PRDM5: variants seen among roughly 807,000 people sequenced by gnomAD.
The protein encoded by PRDM5 is PR/SET domain 5.
Under a neutral mutation model 81.2 loss-of-function variants are expected in PRDM5, and 56 were observed. The observed-to-expected ratio is 0.69, with a 90% CI of 0.56 to 0.86. The LOEUF (loss-of-function observed/expected upper bound fraction) is 0.86. PRDM5 is among the 40% of genes least tolerant of loss of function. PRDM5 has a pLI of 0.00. For synonymous variants in PRDM5, 267 were observed against 256.4 expected (o/e 1.04, Z -0.39); for missense variants, 697 against 770.1 (o/e 0.91, Z 1.12).
downstream of PRDM5, among the ~76,000 whole-genome samples, chr4:120,688,330 T>A (rs1733910359): frequency 6.6e-6 from 1 of 152,080 alleles, no homozygotes. Flanking sequence ...AATTGGGTTG[T>A]TTTTTATTGT....
chr4:120,915,657 G>A (rs572439598), intron 1 of PRDM5, among the ~76,000 whole-genome samples: 25 of 152,242 alleles, frequency 1.6e-4, no homozygotes, highest in Admixed American at 1.0e-3. Flanking sequence ...CCACCACTGC[G>A]GGGAGAAGGG....
chr4:120,893,305 T>C (rs922044332), intron 2 of PRDM5, among the ~76,000 whole-genome samples: 1 of 152,204 alleles, frequency 6.6e-6, no homozygotes, highest in Admixed American at 6.5e-5. Flanking sequence ...TCCAGCTTTA[T>C]TCCTCTCTAC....
chr4:120,845,469 C>T (rs780853673), intron 3 of PRDM5, among the ~76,000 whole-genome samples: 38 of 152,128 alleles, frequency 2.5e-4, no homozygotes, highest in Non-Finnish European at 4.7e-4. Context: ...TATGTTTTAT[C>T]GATGGAATAA....
chr4:120,713,415 C>T (rs968259922), intron 14 of PRDM5, among the ~76,000 whole-genome samples: 1 of 152,104 alleles, frequency 6.6e-6, no homozygotes. Flanking sequence ...TCTAAGATGG[C>T]AAGTTTTGCC....
intron 15 of PRDM5, among the ~76,000 whole-genome samples, chr4:120,698,801 C>T (rs1403386345): frequency 1.3e-5 from 2 of 152,058 alleles, no homozygotes; most frequent in African/African-American, 2.4e-5. Context: ...AAAGTTCCAC[C>T]GGTTCTTCTT....
chr4:120,741,720 A>G (rs541466114), intron 14 of PRDM5, among the ~76,000 whole-genome samples: 15 of 152,238 alleles, frequency 9.9e-5, no homozygotes, highest in Admixed American at 2.0e-4. Context: ...CTTTTCCGAC[A>G]GGCTTAAAAA....
At chr4:120,860,406 T>C (rs1022299772) in intron 2 of PRDM5, among the ~76,000 whole-genome samples, 5 of 152,114 alleles carry the variant, frequency 3.3e-5, no homozygotes. Context: ...TTTAAAAAAA[T>C]AAATACCTGA....
chr4:120,914,861 A>C (rs1025338258), intron 1 of PRDM5, among the ~76,000 whole-genome samples: 6 of 152,204 alleles, frequency 3.9e-5, no homozygotes, highest in African/African-American at 1.2e-4. Flanking sequence ...AGCGGCTTGG[A>C]TCTAGCTGGA....
intron 3 of PRDM5, among the ~76,000 whole-genome samples, chr4:120,834,225 T>C (rs980315422): frequency 2.0e-5 from 3 of 152,206 alleles, no homozygotes; most frequent in African/African-American, 7.2e-5. Context: ...TTATATGTGC[T>C]GAATATTTGT....
At chr4:120,815,463 A>C (rs1754361547) in intron 7 of PRDM5, among the ~76,000 whole-genome samples, 1 of 152,240 alleles carries the variant, frequency 6.6e-6, no homozygotes, top group African/African-American at 2.4e-5. Context: ...CAAACCAATG[A>C]TGCAAAGTCG....
At position 120,901,057 on chromosome 4, in the gene PRDM5, C is replaced by T. The variant is rs533969204; in HGVS notation, c.177+6417G>A. Among the ~76,000 whole-genome samples the T allele has an allele frequency of 3.9e-5, 6 of 152,240 alleles. No homozygotes were observed. In the East Asian group the frequency reaches 9.6e-4, roughly 24 times the overall value. On this transcript the variant is annotated intron_variant, in intron 2 of 15. Transcript: ENST00000264808. ...AAACGAGTGATAGATTATGTACAAGCTTCCATCCTTTTTTAAATTTTTAAA... is the reference window on the plus strand; with the variant it reads ...AAACGAGTGATAGATTATGTACAAGTTTCCATCCTTTTTTAAATTTTTAAA...
chr4:120,801,698 T>G (rs377589951), intron 8 of PRDM5, among the ~76,000 whole-genome samples: 4 of 152,172 alleles, frequency 2.6e-5, no homozygotes, highest in African/African-American at 7.2e-5. Flanking sequence ...ATGCTAGTGC[T>G]CCAGAGCAGA....
At chr4:120,725,893 T>C (rs866156684) in intron 14 of PRDM5, among the ~76,000 whole-genome samples, 2 of 152,044 alleles carry the variant, frequency 1.3e-5, no homozygotes, top group Non-Finnish European at 2.9e-5. Context: ...CCCTTCTTCC[T>C]ATGCCCTGAT....
rs1173127589 is a variant in PRDM5 at position 120,694,516 on chromosome 4, C to A, written c.*595G>T. 1 of 152,494 alleles carries A rather than the reference C, an allele frequency of 6.6e-6. No individual in the cohort carries two copies. Among genetic ancestry groups the A allele is most frequent in the African/African-American group, 2.4e-5 (1 of 41,420 alleles). 9.4% of individuals were successfully genotyped at this position (152,494 alleles called of 1,614,324 possible). A position where few individuals can be genotyped will look rare whatever the true frequency, so the allele number is the denominator to read the frequency against. ...AGTTATCAAATATCTATTTTAAACT[C>A]ATTTGTTGCACAGAGCTATTAGATA... On this transcript the variant is annotated 3_prime_UTR_variant, in exon 16 of 16. Transcript: ENST00000264808.
chr4:120,866,706 T>C (rs911009019), intron 2 of PRDM5, among the ~76,000 whole-genome samples: 4 of 152,218 alleles, frequency 2.6e-5, no homozygotes, highest in African/African-American at 9.6e-5. Context: ...CACCATGTTA[T>C]ACTACCTTAA....
intron 3 of PRDM5, among the ~76,000 whole-genome samples, chr4:120,840,963 G>A (rs1757962866): frequency 6.6e-6 from 1 of 152,222 alleles, no homozygotes; most frequent in Admixed American, 6.5e-5. Flanking sequence ...CAGCTGTGCA[G>A]CCAGGTATGG....
Position 120,692,270 on chromosome 4 carries a change from T to G in PRDM5, c.*2841A>C, listed in dbSNP as rs894332471. The G allele has an allele frequency of 6.6e-6, 1 of 152,094 alleles. No individual in the cohort carries two copies. Among genetic ancestry groups the G allele is most frequent in the African/African-American group, 2.4e-5 (1 of 41,440 alleles). 9.4% of individuals were successfully genotyped at this position (152,094 alleles called of 1,614,324 possible). On this transcript the variant is annotated 3_prime_UTR_variant, in exon 16 of 16. Transcript: ENST00000264808. Reference sequence around the variant, plus strand: ...TGTAATACATGTTCACACTCATGCATGAGTTGACTGTAATAGGTCAGAAGA... The same window carrying G: ...TGTAATACATGTTCACACTCATGCAGGAGTTGACTGTAATAGGTCAGAAGA...
At chr4:120,843,339 GATTA>G (rs544730885) in intron 3 of PRDM5, among the ~76,000 whole-genome samples, 1 of 151,740 alleles carries the variant, frequency 6.6e-6, no homozygotes, top group East Asian at 1.9e-4. Context: ...CCTGTCTCAA[GATTA>G]ATTAATTAAT....
chr4:120,798,842 G>C (rs371116085), intron 9 of PRDM5, among the ~76,000 whole-genome samples: 1 of 152,032 alleles, frequency 6.6e-6, no homozygotes, highest in Non-Finnish European at 1.5e-5. Flanking sequence ...TCCAATGCTC[G>C]GCAGGAACCA....
Sources: gnomAD v4.1 joint callset for allele counts (sites outside exome capture counted in the v4.1 genomes callset) on GRCh38, gnomAD v4.1.1 for gene constraint, MANE v1.5 for transcripts, NCBI Gene and HGNC (gene_info 2026-07-23, HGNC 2026-07-21) for gene names.